Variants in MEI4 observed in about 807,000 individuals in gnomAD.
The protein encoded by MEI4 is meiotic double-stranded break formation protein 4.
MEI4 carries 27 observed loss-of-function variants against 31.4 expected under a neutral mutation model. The ratio of observed to expected loss-of-function variants is 0.86; its 90% CI spans 0.63 to 1.19. The LOEUF is 1.19. Ranked by LOEUF, MEI4 falls within the 50% of genes most tolerant of loss-of-function variation. The probability of loss-of-function intolerance (pLI) is 0.00; values close to 1 mark genes in which losing one functional copy is unlikely to be tolerated. For missense variants in MEI4, 329 were observed against 398.9 expected (o/e 0.82, Z 1.49); for synonymous variants, 122 against 145.4 (o/e 0.84, Z 1.16).
chr6:77,734,433 T>C (rs9766321), intron 2 of MEI4, among the ~76,000 whole-genome samples: 8,672 of 152,116 alleles, frequency 0.057, 735 homozygotes, highest in African/African-American at 0.17. Flanking sequence ...GTTTAAAGTC[T>C]GTTTTATCAG....
At chr6:77,878,096 G>T (rs1477246550) in intron 4 of MEI4, among the ~76,000 whole-genome samples, 2 of 152,048 alleles carry the variant, frequency 1.3e-5, no homozygotes, top group Non-Finnish European at 2.9e-5. Context: ...TGAAAGATTG[G>T]TTTGATTCAG....
chr6:77,733,727 C>G (rs1203228436), intron 2 of MEI4, among the ~76,000 whole-genome samples: 1 of 151,930 alleles, frequency 6.6e-6, no homozygotes, highest in African/African-American at 2.4e-5. Context: ...GTTAGGGTGT[C>G]AATTCTGGAT....
chr6:77,736,369 A>C (rs991200459), intron 2 of MEI4, among the ~76,000 whole-genome samples: 1 of 152,028 alleles, frequency 6.6e-6, no homozygotes, highest in South Asian at 2.1e-4. Context: ...GGAAAAGCGC[A>C]GTATTTGGGT....
intron 1 of MEI4, among the ~76,000 whole-genome samples, chr6:77,670,543 G>A (rs937129190): frequency 6.6e-6 from 1 of 152,068 alleles, no homozygotes; most frequent in African/African-American, 2.4e-5. Flanking sequence ...TAATACACAG[G>A]ATTATCGTGT....
rs142696746 is a variant in MEI4, at chr6:77,807,843, A to C, written c.769-21088A>C. On this transcript the variant is annotated intron_variant, in intron 3 of 4. Transcript: ENST00000684080. ...TATTCCAGTGAACACCAAAGGCTGCAGAGTACTGGATTAGTTAAACACCTT... is the reference window on the plus strand; with the variant it reads ...TATTCCAGTGAACACCAAAGGCTGCCGAGTACTGGATTAGTTAAACACCTT... Among the ~76,000 whole-genome samples the C allele has an allele frequency of 1.4e-4, 21 of 152,322 alleles. 1 individual carries two copies. In the East Asian group the frequency reaches 4.1e-3, roughly 29 times the overall value.
intron 3 of MEI4, among the ~76,000 whole-genome samples, chr6:77,799,604 T>C (rs983978149): frequency 3.3e-5 from 5 of 152,188 alleles, no homozygotes; most frequent in Admixed American, 3.3e-4. Flanking sequence ...CTAGGTTTTC[T>C]TCTAGGATTT....
chr6:77,849,444 A>G (rs1049419151), intron 4 of MEI4, among the ~76,000 whole-genome samples: 2 of 152,154 alleles, frequency 1.3e-5, no homozygotes, highest in African/African-American at 4.8e-5. Context: ...AACTGACAGG[A>G]GCATAACTGC....
chr6:77,816,063 T>C (rs1378919558), intron 3 of MEI4, among the ~76,000 whole-genome samples: 4 of 152,082 alleles, frequency 2.6e-5, no homozygotes, highest in African/African-American at 9.7e-5. Flanking sequence ...TATTACATAG[T>C]CCCTATTTAA....
chr6:77,702,975 G>C (rs1766257878), intron 2 of MEI4, among the ~76,000 whole-genome samples: 1 of 152,106 alleles, frequency 6.6e-6, no homozygotes, highest in African/African-American at 2.4e-5. Context: ...CCCTAGACTA[G>C]ATTAGGTTCT....
chr6:77,789,380 A>G (rs1482459325), intron 3 of MEI4, among the ~76,000 whole-genome samples: 3 of 152,200 alleles, frequency 2.0e-5, no homozygotes, highest in African/African-American at 2.4e-5. Flanking sequence ...AAAAGCAATG[A>G]CAACAAAAGC....
intron 2 of MEI4, among the ~76,000 whole-genome samples, chr6:77,760,546 T>C (rs1768019808): frequency 1.3e-5 from 2 of 152,332 alleles, no homozygotes; most frequent in South Asian, 4.1e-4. Context: ...AGTCCTCATA[T>C]ACACAAATGC....
intron 1 of MEI4, among the ~76,000 whole-genome samples, chr6:77,658,012 T>A (rs1481003183): frequency 1.3e-5 from 2 of 152,218 alleles, no homozygotes; most frequent in Non-Finnish European, 2.9e-5. Flanking sequence ...CATGGCTGTA[T>A]AGTAGTTTTC....
chr6:77,860,632 A>AT (rs1053044972), intron 4 of MEI4, among the ~76,000 whole-genome samples: 1 of 152,092 alleles, frequency 6.6e-6, no homozygotes, highest in African/African-American at 2.4e-5. Context: ...CTTTGTATTT[A>AT]TGTCTCCCTA....
At chr6:77,741,609 G>T (rs189739064) in intron 2 of MEI4, among the ~76,000 whole-genome samples, 3 of 152,144 alleles carry the variant, frequency 2.0e-5, no homozygotes, top group African/African-American at 4.8e-5. Flanking sequence ...ATCATTCTGT[G>T]TGTTTTTTAA....
At chr6:77,766,888 A>T (rs1048028575) in intron 3 of MEI4, among the ~76,000 whole-genome samples, 8 of 152,162 alleles carry the variant, frequency 5.3e-5, no homozygotes, top group Non-Finnish European at 1.0e-4. Context: ...GCTGCAAGTT[A>T]GGACATTGTT....
intron 2 of MEI4, among the ~76,000 whole-genome samples, chr6:77,701,712 G>A (rs1582039560): frequency 6.6e-6 from 1 of 151,898 alleles, no homozygotes; most frequent in Non-Finnish European, 1.5e-5. Flanking sequence ...TGAGCAGTTG[G>A]CCAGAGTGAA....
At chr6:77,918,965 G>A (rs993874540) in intron 4 of MEI4, among the ~76,000 whole-genome samples, 1 of 152,024 alleles carries the variant, frequency 6.6e-6, no homozygotes, top group Non-Finnish European at 1.5e-5. Flanking sequence ...TTTATTGAGA[G>A]TTTTTAGCAT....
chr6:77,741,726 G>A (rs1392758265), intron 2 of MEI4, among the ~76,000 whole-genome samples: 5 of 150,186 alleles, frequency 3.3e-5, no homozygotes, highest in Non-Finnish European at 5.9e-5. Flanking sequence ...CCATTAACTC[G>A]TCATTTAGCA....
intron 4 of MEI4, among the ~76,000 whole-genome samples, chr6:77,837,806 A>G (rs185851441): frequency 6.6e-6 from 1 of 152,300 alleles, no homozygotes; most frequent in East Asian, 1.9e-4. Context: ...GATTTTAAGG[A>G]ACTGTTAATT....
Sources: allele counts gnomAD v4.1 joint callset (sites outside exome capture counted in the v4.1 genomes callset), GRCh38; gene constraint gnomAD v4.1.1; transcripts MANE v1.5; gene names NCBI Gene and HGNC (gene_info 2026-07-23, HGNC 2026-07-21).